AIM2: variants seen among roughly 807,000 people sequenced by gnomAD.
AIM2 encodes the protein interferon-inducible protein AIM2.
A neutral mutation model predicts 27.7 loss-of-function variants in AIM2; 30 were observed. That is an observed-to-expected ratio of 1.08 (90% CI 0.81 to 1.47). The LOEUF (loss-of-function observed/expected upper bound fraction) is 1.47, where lower values mean the gene tolerates loss of function less well. AIM2 is among the 40% of genes most tolerant of loss of function. The pLI is 0.00. For synonymous variants in AIM2, 141 were observed against 145.3 expected (o/e 0.97, Z 0.21); for missense variants, 358 against 411.3 (o/e 0.87, Z 1.12).
At chr1:159,141,526 C>G (rs182849396), upstream of AIM2, among the ~76,000 whole-genome samples, 907 of 152,192 alleles carry the variant, frequency 6.0e-3, 5 homozygotes, top group Non-Finnish European at 8.4e-3. Flanking sequence ...TCCTTTCTCT[C>G]CCCTATAGCC....
chr1:159,129,519 G>T (rs1016290952), intron 1 of AIM2, among the ~76,000 whole-genome samples: 1 of 152,106 alleles, frequency 6.6e-6, no homozygotes, highest in Non-Finnish European at 1.5e-5. Context: ...GATTGACTGG[G>T]TATCAATGCT....
chr1:159,114,523 C>A (rs1236948971), intron 1 of AIM2, among the ~76,000 whole-genome samples: 2 of 152,146 alleles, frequency 1.3e-5, no homozygotes, highest in Non-Finnish European at 2.9e-5. Context: ...TTGAGACCAG[C>A]CTGGCCACCA....
At chr1:159,130,390 T>C (rs1365814958) in intron 1 of AIM2, among the ~76,000 whole-genome samples, 1 of 152,200 alleles carries the variant, frequency 6.6e-6, no homozygotes, top group Non-Finnish European at 1.5e-5. Context: ...CCATTAGACA[T>C]ATCTACTGGT....
At chr1:159,126,282 G>A (rs1387488871) in intron 1 of AIM2, among the ~76,000 whole-genome samples, 1 of 152,154 alleles carries the variant, frequency 6.6e-6, no homozygotes, top group Non-Finnish European at 1.5e-5. Context: ...GCTATAGGTA[G>A]TTACCAGGTA....
Position 159,116,276 on chromosome 1 carries a change from G to A in AIM2, c.-16+24155C>T, listed in dbSNP as rs927016080. ...CAACCATTGTGGAAGTCAGTGTGGCGATTCCTCAGGGATCTAGAACTAGAA... is the reference window on the plus strand; with the variant it reads ...CAACCATTGTGGAAGTCAGTGTGGCAATTCCTCAGGGATCTAGAACTAGAA... On this transcript the variant is annotated intron_variant, in intron 1 of 2. Coordinates refer to the AIM2 transcript ENST00000368129. Among the ~76,000 whole-genome samples the A allele has an allele frequency of 4.3e-4, 66 of 152,228 alleles. 1 individual carries two copies. The highest frequency in any genetic ancestry group is 6.6e-4 in the Non-Finnish European group (45 of 68,024).
At position 159,118,805 on chromosome 1, in the gene AIM2, A is replaced by C. The variant is rs1647452786; in HGVS notation, c.-16+21626T>G. 2.0e-5 allele frequency among the ~76,000 whole-genome samples: 3 copies of C among 152,228 alleles called. No homozygotes were observed. The South Asian group carries it at 6.2e-4, about 32-fold the overall frequency. ...TCACAGAGCTCGTCCTTTAAAACAC[A>C]ATACAGTTGTCATTTGGGCTATTCA... On this transcript the variant is annotated intron_variant, in intron 1 of 2. Transcript: ENST00000368129.
At chr1:159,143,581 T>TACACACACACACACACACAC (rs6143439), upstream of AIM2, among the ~76,000 whole-genome samples, 1 of 144,054 alleles carries the variant, frequency 6.9e-6, no homozygotes, top group Non-Finnish European at 1.5e-5. Flanking sequence ...GCTCAGTGTG[T>TACACACACACACACACACAC]ACACACACAC....
intron 1 of AIM2, among the ~76,000 whole-genome samples, chr1:159,104,756 T>C (rs1247094262): frequency 6.6e-6 from 1 of 152,252 alleles, no homozygotes; most frequent in African/African-American, 2.4e-5. Flanking sequence ...GCTTGCATTA[T>C]ATTTTTATTG....
At chr1:159,137,541 C>A (rs1315520088) in intron 1 of AIM2, among the ~76,000 whole-genome samples, 1 of 152,130 alleles carries the variant, frequency 6.6e-6, no homozygotes, top group Non-Finnish European at 1.5e-5. Flanking sequence ...TCTGTACTCC[C>A]AGCTACTCAG....
upstream of AIM2, among the ~76,000 whole-genome samples, chr1:159,079,972 G>C (rs1056884118): frequency 6.6e-6 from 1 of 152,034 alleles, no homozygotes; most frequent in Admixed American, 6.6e-5. Flanking sequence ...CTTTCACTTG[G>C]TAATCTGCAT....
At chr1:159,130,199 A>T (rs557552472) in intron 1 of AIM2, among the ~76,000 whole-genome samples, 32 of 152,158 alleles carry the variant, frequency 2.1e-4, no homozygotes, top group Admixed American at 1.7e-3. Flanking sequence ...TCCTCTGATG[A>T]TTCCTTAAAT....
At chr1:159,111,876 A>G (rs1657584991) in intron 1 of AIM2, among the ~76,000 whole-genome samples, 1 of 150,364 alleles carries the variant, frequency 6.7e-6, no homozygotes. Flanking sequence ...CTATCTATCT[A>G]TCTATCTATA....
intron 1 of AIM2, among the ~76,000 whole-genome samples, chr1:159,145,960 G>T (rs1297805822): frequency 6.6e-6 from 1 of 152,112 alleles, no homozygotes; most frequent in Non-Finnish European, 1.5e-5. Flanking sequence ...ATAAAAAGTA[G>T]CTGGGCATGG....
chr1:159,057,874 G>A (rs1278554599), downstream of AIM2, among the ~76,000 whole-genome samples: 1 of 152,194 alleles, frequency 6.6e-6, no homozygotes, highest in Non-Finnish European at 1.5e-5. Flanking sequence ...AAGTGCAAGA[G>A]GAATAATTAT....
Position 159,073,262 on chromosome 1 carries a change from G to T in AIM2, c.238C>A (p.Arg80Ser), listed in dbSNP as rs778334486. The T allele has an allele frequency of 2.5e-6, 4 of 1,614,154 alleles. No homozygotes were observed. The African/African-American group carries it at 4.0e-5, about 16-fold the overall frequency. ...CCTTTCTCCTTCTCCTCCTGAAGAC[G>T]TTTTGCCAAAAGCATATAATTCAAC... The part of the protein sequence containing the change: ...QKLNYMLLAK[R>S]LQEEKEKVDK... The change falls in exon 2 of 6, where the codon CGT becomes AGT. Residue 80 changes from arginine (R) to serine (S), a missense_variant. Coordinates refer to ENST00000368130, the MANE Select transcript of AIM2 (RefSeq NM_004833.3).
At chr1:159,063,950 T>G (rs1175303783) in intron 4 of AIM2, among the ~76,000 whole-genome samples, 2 of 152,220 alleles carry the variant, frequency 1.3e-5, no homozygotes, top group East Asian at 3.8e-4. Flanking sequence ...ACTTAATGAA[T>G]AGTTAGTATA....
In AIM2 at chr1:159,063,594, C is replaced by A; in HGVS notation, c.897G>T (p.Glu299Asp). 6.2e-7 allele frequency: 1 copy of A among 1,614,044 alleles called. No individual in the cohort carries two copies. Among genetic ancestry groups the A allele is most frequent in the Non-Finnish European group, 8.5e-7 (1 of 1,179,992 alleles). Reference protein sequence around the residue: ...GKMEVLGVRNEDTMKCKEGDK... With the variant: ...GKMEVLGVRNDDTMKCKEGDK... ...CTCCTTCCTTACATTTCATTGTGTC[C>A]TCGTTTCTAACCCCCAGTACTTCCA... The change falls in exon 5 of 6, where the codon GAG becomes GAT. Residue 299 changes from glutamate to aspartate, a missense_variant. Physicochemically the swap from Glu to Asp is conservative, Grantham distance 45. Transcript: ENST00000368130.
rs1655927251 is a variant in AIM2, at chr1:159,063,411, C to A, written c.1005+75G>T. ...CCACTCTATATCCTGTTCAATGGCT[C>A]CAGTCCGGCTTTCTGATAGAAAACA... is the stretch of plus-strand genomic sequence containing the variant. On this transcript the variant is annotated intron_variant, in intron 5 of 5. Coordinates refer to ENST00000368130, the MANE Select transcript of AIM2 (RefSeq NM_004833.3). The A allele has an allele frequency of 2.1e-6, 3 of 1,411,038 alleles. No homozygotes were observed. The African/African-American group carries it at 4.3e-5, about 20-fold the overall frequency. 87.4% of individuals were successfully genotyped at this position (1,411,038 alleles called of 1,614,324 possible).
chr1:159,128,062 C>T (rs935488196), intron 1 of AIM2, among the ~76,000 whole-genome samples: 4 of 152,140 alleles, frequency 2.6e-5, no homozygotes, highest in Admixed American at 2.0e-4. Flanking sequence ...TTGTCAGTCT[C>T]TCCTAGTAGA....
Sources: gnomAD v4.1 joint callset for allele counts (sites outside exome capture counted in the v4.1 genomes callset) on GRCh38, gnomAD v4.1.1 for gene constraint, MANE v1.5 for transcripts, NCBI Gene and HGNC (gene_info 2026-07-23, HGNC 2026-07-21) for gene names.